The following RBFOX1 variants were observed in gnomAD, a reference collection of about 807,000 sequenced individuals.
The protein encoded by RBFOX1 is RNA binding fox-1 homolog 1, also known as RNA binding protein fox-1 homolog 1.
RBFOX1 carries 8 observed loss-of-function variants against 57.7 expected under a neutral mutation model. That is an observed-to-expected ratio of 0.14 (90% CI 0.08 to 0.25). The LOEUF is 0.25. Among genes scored for constraint, RBFOX1 ranks in the 10% least tolerant of loss-of-function variants. The pLI, the probability that RBFOX1 is intolerant of heterozygous loss-of-function variation, is 1.00. For missense variants in RBFOX1, 611 were observed against 548.5 expected, an observed-to-expected ratio of 1.11 and a Z score of -1.14; for synonymous variants, 326 against 222.4, an observed-to-expected ratio of 1.47 and a Z score of -4.15.
chr16:6,951,230 A>G (rs1873707), intron 3 of RBFOX1, among the ~76,000 whole-genome samples: 92,468 of 151,758 alleles, frequency 0.61, 28,364 homozygotes, highest in Middle Eastern at 0.66. Context: ...TTAACCAGTT[A>G]AGAAAAGGCA....
chr16:5,964,024 T>C (rs1479097282), intron 4 of RBFOX1, among the ~76,000 whole-genome samples: 1 of 152,218 alleles, frequency 6.6e-6, no homozygotes, highest in Non-Finnish European at 1.5e-5. Context: ...TTAATATCTG[T>C]GTTTTATATA....
At chr16:6,820,325 A>T (rs1041997624) in intron 3 of RBFOX1, among the ~76,000 whole-genome samples, 1 of 152,158 alleles carries the variant, frequency 6.6e-6, no homozygotes, top group Admixed American at 6.6e-5. Flanking sequence ...TTAATCATCA[A>T]ATAATCTTTT....
intron 12 of RBFOX1, among the ~76,000 whole-genome samples, chr16:7,659,427 G>C (rs532872772): frequency 1.3e-4 from 20 of 152,202 alleles, no homozygotes; most frequent in African/African-American, 4.8e-4. Context: ...CTTAGGAACT[G>C]TATTTAGTAT....
chr16:5,865,458 T>A (rs1010117148), intron 3 of RBFOX1, among the ~76,000 whole-genome samples: 1 of 152,172 alleles, frequency 6.6e-6, no homozygotes, highest in Non-Finnish European at 1.5e-5. Flanking sequence ...CCACAGCTCA[T>A]GGACTTTCTT....
At chr16:6,767,953 G>GAAGAAGAA (rs2077632137) in intron 3 of RBFOX1, among the ~76,000 whole-genome samples, 1 of 91,630 alleles carries the variant, frequency 1.1e-5, no homozygotes. Flanking sequence ...ATAATAAGAA[G>GAAGAAGAA]AAGAAGAAGA....
intron 4 of RBFOX1, among the ~76,000 whole-genome samples, chr16:5,897,200 T>G (rs1002369248): frequency 6.8e-6 from 1 of 148,054 alleles, no homozygotes; most frequent in African/African-American, 2.5e-5. Context: ...CGCGCCCGGC[T>G]AATTTTTTCT....
chr16:7,301,793 G>A (rs2096041566), intron 4 of RBFOX1, among the ~76,000 whole-genome samples: 1 of 152,158 alleles, frequency 6.6e-6, no homozygotes, highest in South Asian at 2.1e-4. Flanking sequence ...ACAGCAGATT[G>A]CTTGACGCAA....
intron 2 of RBFOX1, among the ~76,000 whole-genome samples, chr16:5,470,124 C>A (rs8062412): frequency 0.065 from 9,926 of 152,220 alleles, 465 homozygotes; most frequent in African/African-American, 0.13. Context: ...AGGGTTTCTC[C>A]CAGAGCTCCC....
At chr16:5,905,319 C>T (rs1451921716) in intron 4 of RBFOX1, among the ~76,000 whole-genome samples, 6 of 151,872 alleles carry the variant, frequency 4.0e-5, no homozygotes, top group Non-Finnish European at 7.4e-5. Context: ...TCCCAAAGTG[C>T]TAGGATTCCA....
At chr16:5,782,992 C>T (rs1334325479) in intron 3 of RBFOX1, among the ~76,000 whole-genome samples, 1 of 152,132 alleles carries the variant, frequency 6.6e-6, no homozygotes, top group Non-Finnish European at 1.5e-5. Context: ...TTTGTCGAGT[C>T]CACTGATTTA....
chr16:5,687,822 T>G (rs994133449), intron 3 of RBFOX1, among the ~76,000 whole-genome samples: 1 of 152,174 alleles, frequency 6.6e-6, no homozygotes, highest in Non-Finnish European at 1.5e-5. Flanking sequence ...GTCTCAATGT[T>G]AGGTGGACGT....
chr16:7,375,161 ATATCATTATCCCTACCC>A (rs1202823037), intron 4 of RBFOX1, among the ~76,000 whole-genome samples: 1 of 152,248 alleles, frequency 6.6e-6, no homozygotes, highest in Non-Finnish European at 1.5e-5. Flanking sequence ...TGGTAGATTA[ATATCATTATCCCTACCC>A]TATGATAAAG....
intron 3 of RBFOX1, among the ~76,000 whole-genome samples, chr16:5,847,275 G>A (rs2056780708): frequency 6.6e-6 from 1 of 151,736 alleles, no homozygotes; most frequent in Non-Finnish European, 1.5e-5. Flanking sequence ...TTGGGAACAT[G>A]CAGGACTTGG....
intron 1 of RBFOX1, among the ~76,000 whole-genome samples, chr16:5,313,651 A>G (rs2064151993): frequency 1.3e-5 from 2 of 152,172 alleles, no homozygotes; most frequent in Non-Finnish European, 2.9e-5. Context: ...TCTTACATGG[A>G]TGGCGGCAGA....
In RBFOX1 at chr16:7,365,857, G is replaced by A. The variant is rs1371715286; in HGVS notation, c.28-152290G>A. ...CTACATCCAGGGTAGCTGGGACCCAGGGAAAATATTAATACCCTAAGACTC... is the reference window on the plus strand; with the variant it reads ...CTACATCCAGGGTAGCTGGGACCCAAGGAAAATATTAATACCCTAAGACTC... On this transcript the variant is annotated intron_variant, in intron 4 of 15. Transcript: ENST00000550418. 2.6e-5 allele frequency among the ~76,000 whole-genome samples: 4 copies of A among 152,184 alleles called. No homozygotes were observed. The East Asian group carries it at 7.7e-4, about 29-fold the overall frequency.
intron 4 of RBFOX1, among the ~76,000 whole-genome samples, chr16:5,944,380 A>G (rs1319918267): frequency 6.6e-6 from 1 of 152,224 alleles, no homozygotes; most frequent in Non-Finnish European, 1.5e-5. Flanking sequence ...AGCTGTGTAT[A>G]CATAGCAGTT....
intron 4 of RBFOX1, among the ~76,000 whole-genome samples, chr16:5,983,705 G>A (rs974783509): frequency 6.6e-6 from 1 of 152,136 alleles, no homozygotes; most frequent in African/African-American, 2.4e-5. Flanking sequence ...ACCCAAGAGA[G>A]CATCGAGTTG....
At chr16:6,887,976 T>C (rs1209019984) in intron 3 of RBFOX1, among the ~76,000 whole-genome samples, 3 of 152,122 alleles carry the variant, frequency 2.0e-5, no homozygotes, top group Non-Finnish European at 4.4e-5. Context: ...CTCATCATTT[T>C]TATTACTGCA....
At chr16:6,864,131 C>T (rs980730331) in intron 3 of RBFOX1, among the ~76,000 whole-genome samples, 10 of 151,916 alleles carry the variant, frequency 6.6e-5, no homozygotes, top group African/African-American at 2.4e-4. Context: ...GTCTCTTTAG[C>T]AGGAAGAAGG....
Sources: gnomAD v4.1 joint callset for allele counts (sites outside exome capture counted in the v4.1 genomes callset) on GRCh38, gnomAD v4.1.1 for gene constraint, MANE v1.5 for transcripts, NCBI Gene and HGNC (gene_info 2026-07-23, HGNC 2026-07-21) for gene names.